The following RFFL variants were observed in gnomAD, a reference collection of about 807,000 sequenced individuals.
RFFL encodes E3 ubiquitin-protein ligase rififylin.
Under a neutral mutation model 40.4 loss-of-function variants are expected in RFFL, and 16 were observed. That is an observed-to-expected ratio of 0.40 (90% CI 0.27 to 0.60). RFFL has a LOEUF of 0.60. Ranked by LOEUF, RFFL falls within the 20% of genes least tolerant of loss-of-function variation. RFFL has a pLI of 0.47. For synonymous variants in RFFL, 154 were observed against 167.9 expected, an observed-to-expected ratio of 0.92 and a Z score of 0.64; for missense variants, 367 against 451.7, an observed-to-expected ratio of 0.81 and a Z score of 1.70.
At chr17:35,059,442 C>T (rs1281345812) in intron 1 of RFFL, among the ~76,000 whole-genome samples, 2 of 152,138 alleles carry the variant, frequency 1.3e-5, no homozygotes, top group African/African-American at 4.8e-5. Context: ...TCCTCCAGCT[C>T]AATCAGCATC....
chr17:35,038,362 A>G (rs1017100051), intron 1 of RFFL, among the ~76,000 whole-genome samples: 2 of 151,938 alleles, frequency 1.3e-5, no homozygotes, highest in Admixed American at 6.6e-5. Flanking sequence ...AATTACTCCA[A>G]TTTGGAAATT....
intron 2 of RFFL, among the ~76,000 whole-genome samples, chr17:35,024,024 G>C (rs752609839): frequency 6.6e-6 from 1 of 152,210 alleles, no homozygotes; most frequent in Non-Finnish European, 1.5e-5. Context: ...CTGCCGAATG[G>C]TTCAAAACAA....
intron 1 of RFFL, among the ~76,000 whole-genome samples, chr17:35,052,786 G>GGA (rs2091239308): frequency 6.6e-6 from 1 of 152,182 alleles, no homozygotes; most frequent in African/African-American, 2.4e-5. Flanking sequence ...TGGTCTAGTA[G>GGA]GAGATAGGTA....
Position 35,016,401 on chromosome 17 carries a change from T to C in RFFL, c.855A>G (p.Leu285=), listed in dbSNP as rs1271751929. 6.2e-7 allele frequency: 1 copy of C among 1,614,084 alleles called. No individual in the cohort carries two copies. The highest frequency in any genetic ancestry group is 1.3e-5 in the African/African-American group (1 of 74,934). Residue 285 remains leucine (L), a synonymous_variant, in exon 5 of 7, where the codon CTA becomes CTG. Coordinates refer to ENST00000394597, the MANE Select transcript of RFFL (RefSeq NM_001017368.2). Reference sequence around the variant, plus strand: ...GCTGGAGTCCTTTCTGATCCTTGTATAGCCGGGTCACTCTCTCCATCAGCT... The same window carrying C: ...GCTGGAGTCCTTTCTGATCCTTGTACAGCCGGGTCACTCTCTCCATCAGCT... ...KWELMERVTR[L]YKDQKGLQHL...
chr17:35,046,902 C>G (rs2091203051), intron 1 of RFFL, among the ~76,000 whole-genome samples: 1 of 152,216 alleles, frequency 6.6e-6, no homozygotes, highest in Non-Finnish European at 1.5e-5. Context: ...CATTTCAACC[C>G]AGGCATTCTG....
Position 35,011,922 on chromosome 17 carries a change from C to G in RFFL, c.*46G>C. The G allele has an allele frequency of 1.3e-6, 2 of 1,586,612 alleles. No individual in the cohort carries two copies. The highest frequency in any genetic ancestry group is 1.7e-6 in the Non-Finnish European group (2 of 1,160,606). On this transcript the variant is annotated 3_prime_UTR_variant, in exon 7 of 7. Coordinates refer to ENST00000394597, the MANE Select transcript of RFFL (RefSeq NM_001017368.2). ...GCTGGCCAACCCTGAGCCCAGACAC[C>G]CCAGGCTATTTCCCTGTAAGGCACT...
upstream of RFFL, among the ~76,000 whole-genome samples, chr17:35,065,128 A>C (rs2091313424): frequency 6.6e-6 from 1 of 152,206 alleles, no homozygotes; most frequent in Non-Finnish European, 1.5e-5. Flanking sequence ...CACTTTAAAA[A>C]AAATTTCTGT....
chr17:35,007,533 C>A lies in RFFL; in HGVS notation c.*4435G>T, dbSNP rs963409332. ...GGTCAGCTCCCTAGGGCAATGTGAGCAAAGTGTTGTGGCTCATCCTCGATC... is the reference window on the plus strand; with the variant it reads ...GGTCAGCTCCCTAGGGCAATGTGAGAAAAGTGTTGTGGCTCATCCTCGATC... On this transcript the variant is annotated 3_prime_UTR_variant, in exon 7 of 7. Transcript: ENST00000394597. 1 of 152,200 alleles carries A rather than the reference C, an allele frequency of 6.6e-6. No homozygotes were observed. Among genetic ancestry groups the A allele is most frequent in the Non-Finnish European group, 1.5e-5 (1 of 68,068 alleles). 9.4% of individuals were successfully genotyped at this position (152,200 alleles called of 1,614,324 possible). A position where few individuals can be genotyped will look rare whatever the true frequency, so the allele number is the denominator to read the frequency against.
chr17:35,047,733 G>T (rs543961507), intron 1 of RFFL, among the ~76,000 whole-genome samples: 10 of 149,936 alleles, frequency 6.7e-5, no homozygotes, highest in Non-Finnish European at 1.2e-4. Context: ...GACTACAAGC[G>T]CAAGCCACCA....
chr17:35,022,908 G>T (rs2091018525), intron 2 of RFFL, among the ~76,000 whole-genome samples: 1 of 152,226 alleles, frequency 6.6e-6, no homozygotes, highest in Non-Finnish European at 1.5e-5. Context: ...GGGCAAGCTG[G>T]TACTGCCTGG....
chr17:35,087,396 A>G (rs939441858), intron 1 of RFFL, among the ~76,000 whole-genome samples: 1 of 151,992 alleles, frequency 6.6e-6, no homozygotes, highest in African/African-American at 2.4e-5. Flanking sequence ...AAGCAGAGTT[A>G]TGTCAACTGG....
chr17:35,014,026 G>A (rs866629655), intron 6 of RFFL, among the ~76,000 whole-genome samples: 8 of 152,152 alleles, frequency 5.3e-5, no homozygotes, highest in Admixed American at 2.0e-4. Flanking sequence ...AAATGCTGCA[G>A]GCTAGTCCAA....
At chr17:35,027,987 C>T (rs1002119682) in intron 1 of RFFL, among the ~76,000 whole-genome samples, 3 of 150,306 alleles carry the variant, frequency 2.0e-5, no homozygotes, top group Non-Finnish European at 2.9e-5. Flanking sequence ...GACGGGAGAT[C>T]GTGCCATTGC....
intron 1 of RFFL, chr17:35,069,704 A>AC (rs1187739093): frequency 6.1e-6 from 1 of 164,244 alleles, no homozygotes; most frequent in Non-Finnish European, 1.3e-5. Context: ...TATTTATAAT[A>AC]AAGTGGAGAG....
intron 1 of RFFL, among the ~76,000 whole-genome samples, chr17:35,070,835 C>T (rs1187899268): frequency 6.6e-6 from 1 of 152,094 alleles, no homozygotes; most frequent in Non-Finnish European, 1.5e-5. Context: ...CTTTGTCAGT[C>T]GAATCAGTTT....
chr17:35,065,580 AAG>A (rs2091316830), upstream of RFFL, among the ~76,000 whole-genome samples: 4 of 151,936 alleles, frequency 2.6e-5, no homozygotes, highest in Admixed American at 2.6e-4. Context: ...AAAAAAAAGA[AAG>A]AGAAAATCCA....
Position 35,011,961 on chromosome 17 carries a change from C to CAAGCTCTCAG in RFFL, c.1089_*6dup, listed in dbSNP as rs2090941515. On this transcript the variant is annotated 3_prime_UTR_variant, in exon 7 of 7. Transcript: ENST00000394597. ...CTGTAAGGCACTGAAGAAACCGATGCAAGCTCTCAGGACCGGAAGACATGC... is the reference window on the plus strand; with the variant it reads ...CTGTAAGGCACTGAAGAAACCGATGCAAGCTCTCAGAAGCTCTCAGGACCGGAAGACATGC... 6.2e-7 allele frequency: 1 copy of CAAGCTCTCAG among 1,613,176 alleles called. No individual in the cohort carries two copies. The highest frequency in any genetic ancestry group is 8.5e-7 in the Non-Finnish European group (1 of 1,179,574).
At chr17:35,038,875 C>T (rs2091143684) in intron 1 of RFFL, among the ~76,000 whole-genome samples, 1 of 152,138 alleles carries the variant, frequency 6.6e-6, no homozygotes, top group African/African-American at 2.4e-5. Context: ...TTATATACTT[C>T]TCTAGTTACA....
At chr17:35,019,349 T>C (rs893612136) in intron 3 of RFFL, among the ~76,000 whole-genome samples, 2 of 152,142 alleles carry the variant, frequency 1.3e-5, no homozygotes, top group African/African-American at 2.4e-5. Flanking sequence ...TCATCTTTCA[T>C]TGAAAAATCT....
Sources: gnomAD v4.1 joint callset for allele counts (sites outside exome capture counted in the v4.1 genomes callset) on GRCh38, gnomAD v4.1.1 for gene constraint, MANE v1.5 for transcripts, NCBI Gene and HGNC (gene_info 2026-07-23, HGNC 2026-07-21) for gene names.